The following HMGN4 variants were observed in gnomAD, a reference collection of about 807,000 sequenced individuals.
HMGN4 encodes the protein high mobility group nucleosomal binding domain 4.
For synonymous variants in HMGN4, 39 were observed against 39.1 expected (o/e 1.00, Z 0.01); for missense variants, 69 against 104.9 (o/e 0.66, Z 1.49).
chr6:26,540,558 T>C (rs1764277586), intron 1 of HMGN4, among the ~76,000 whole-genome samples: 1 of 152,220 alleles, frequency 6.6e-6, no homozygotes, highest in Non-Finnish European at 1.5e-5. Flanking sequence ...GGTCTTGAAC[T>C]CCTGACCTCA....
intron 1 of HMGN4, among the ~76,000 whole-genome samples, chr6:26,543,068 C>T (rs1764305963): frequency 6.6e-6 from 1 of 152,142 alleles, no homozygotes; most frequent in African/African-American, 2.4e-5. Flanking sequence ...ACATAAAGGC[C>T]TCTAAAAATA....
rs982052360 is a variant in HMGN4 at position 26,542,768 on chromosome 6, C to A, written c.-80-2359C>A. 6.6e-6 allele frequency among the ~76,000 whole-genome samples: 1 copy of A among 152,202 alleles called. No homozygotes were observed. Among genetic ancestry groups the A allele is most frequent in the Non-Finnish European group, 1.5e-5 (1 of 68,034 alleles). On this transcript the variant is annotated intron_variant, in intron 1 of 1. Coordinates refer to ENST00000377575, the MANE Select transcript of HMGN4 (RefSeq NM_006353.3). This position sits in a 1 kb window ranked among gnomAD's most constrained non-coding sequence, Gnocchi z 4.6. ...TCCGTATTTATATACTCAGATACAG[C>A]ATCCAGGCAGTGGCCTATTTTTCCT...
At chr6:26,543,420 C>CATTTTTTTTTTT (rs1561895346) in intron 1 of HMGN4, among the ~76,000 whole-genome samples, 1 of 44,390 alleles carries the variant, frequency 2.3e-5, no homozygotes, top group Non-Finnish European at 4.3e-5. Flanking sequence ...GGCACCATTA[C>CATTTTTTTTTTT]CTTTTTTTTT....
chr6:26,544,306 A>T (rs1365499361), intron 1 of HMGN4, among the ~76,000 whole-genome samples: 2 of 151,978 alleles, frequency 1.3e-5, no homozygotes, highest in African/African-American at 2.4e-5. Flanking sequence ...ATAGTTTTAC[A>T]TGTGTAAATG....
intron 1 of HMGN4, chr6:26,539,861 C>G (rs2113580890): frequency 6.6e-6 from 1 of 152,244 alleles, no homozygotes; most frequent in East Asian, 1.9e-4. Flanking sequence ...AGCAACCTGT[C>G]TAATACATTT....
chr6:26,542,191 T>C lies in HMGN4; in HGVS notation c.-80-2936T>C, dbSNP rs1764293980. 7.8e-6 allele frequency among the ~76,000 whole-genome samples: 1 copy of C among 127,860 alleles called. No individual in the cohort carries two copies. The highest frequency in any genetic ancestry group is 1.8e-5 in the Non-Finnish European group (1 of 55,990). The allele number at this position is 127,860 out of a possible 152,430, so 83.9% of individuals were successfully genotyped here. On this transcript the variant is annotated intron_variant, in intron 1 of 1. Transcript: ENST00000377575. The surrounding 1 kb of genome is among the most constrained non-coding windows in gnomAD (Gnocchi z 4.6). ...TTTTTTTGAACTCTTAAAATGCGTA[T>C]TTTTTTTTTACATTAATAGACTTCC... is the stretch of plus-strand genomic sequence containing the variant.
In HMGN4 at chr6:26,538,454, G is replaced by T. The variant is rs1013059416; in HGVS notation, c.-128G>T. ...CACGCCTAGGGCTCCGGCGCGTCACGGGCCTCAGCTGGGATTCCCGCGCCC... is the reference window on the plus strand; with the variant it reads ...CACGCCTAGGGCTCCGGCGCGTCACTGGCCTCAGCTGGGATTCCCGCGCCC... On this transcript the variant is annotated 5_prime_UTR_variant, in exon 1 of 2. Transcript: ENST00000377575. The T allele has an allele frequency of 1.3e-5, 2 of 152,392 alleles. No individual in the cohort carries two copies. The highest frequency in any genetic ancestry group is 2.9e-5 in the Non-Finnish European group (2 of 68,178). 9.4% of individuals were successfully genotyped at this position (152,392 alleles called of 1,614,324 possible). A position where few individuals can be genotyped will look rare whatever the true frequency, so the allele number is the denominator to read the frequency against.
At position 26,541,737 on chromosome 6, in the gene HMGN4, C is replaced by T. The variant is rs1025069402; in HGVS notation, c.-81+3236C>T. 2.0e-5 allele frequency among the ~76,000 whole-genome samples: 3 copies of T among 152,046 alleles called. No individual in the cohort carries two copies. The East Asian group carries it at 5.8e-4, about 29-fold the overall frequency. On this transcript the variant is annotated intron_variant, in intron 1 of 1. Transcript: ENST00000377575. Reference sequence around the variant, plus strand: ...ATAAAAATGCAAGTCTTCATGCTAACAAAAGGATTGGAAGAAGGATGAAGC... The same window carrying T: ...ATAAAAATGCAAGTCTTCATGCTAATAAAAGGATTGGAAGAAGGATGAAGC...
intron 1 of HMGN4, among the ~76,000 whole-genome samples, chr6:26,540,946 A>G (rs1764281299): frequency 6.6e-6 from 1 of 152,232 alleles, no homozygotes; most frequent in African/African-American, 2.4e-5. Context: ...ATTTTGGTCC[A>G]TGGATTTGCT....
intron 1 of HMGN4, among the ~76,000 whole-genome samples, chr6:26,541,653 G>GT (rs796094161): frequency 1.9e-4 from 28 of 149,480 alleles, no homozygotes; most frequent in African/African-American, 5.4e-4. Context: ...TTCACTATTA[G>GT]TTTTTTTTTT....
At chr6:26,539,458 A>G (rs1190941346) in intron 1 of HMGN4, among the ~76,000 whole-genome samples, 2 of 151,836 alleles carry the variant, frequency 1.3e-5, no homozygotes, top group African/African-American at 2.4e-5. Context: ...TTAGTTGGAG[A>G]CGGAGTTTCA....
Position 26,545,471 on chromosome 6 carries a change from G to GCCAA in HMGN4, c.266_269dup (p.Lys90AsnfsTer14). 1 of 1,554,532 alleles carries GCCAA rather than the reference G, an allele frequency of 6.4e-7. No individual in the cohort carries two copies. The highest frequency in any genetic ancestry group is 8.7e-7 in the Non-Finnish European group (1 of 1,153,518). On this transcript the variant is annotated frameshift_variant, in exon 2 of 2. Coordinates refer to ENST00000377575, the MANE Select transcript of HMGN4 (RefSeq NM_006353.3). LOFTEE classifies it high-confidence loss of function. ...CCAGAAAGCGGAAGGCACTGGGGATGCCAAGTGAAATGTACATTTTTGAGA... is the reference window on the plus strand; with the variant it reads ...CCAGAAAGCGGAAGGCACTGGGGATGCCAACCAAGTGAAATGTACATTTTTGAGA...
intron 1 of HMGN4, among the ~76,000 whole-genome samples, chr6:26,541,539 A>G: frequency 6.6e-6 from 1 of 152,210 alleles, no homozygotes; most frequent in East Asian, 1.9e-4. Context: ...CTACATCCTT[A>G]GATGTGTTCC....
At chr6:26,544,316 G>A (rs1305522146) in intron 1 of HMGN4, among the ~76,000 whole-genome samples, 2 of 152,038 alleles carry the variant, frequency 1.3e-5, no homozygotes, top group African/African-American at 4.8e-5. Flanking sequence ...ATGTGTAAAT[G>A]GATCTATAGT....
rs1264022003 is a variant in HMGN4, at chr6:26,538,371, C to A, written c.-211C>A. ...CCTCACCTTCCCTCGCCTTCCTGTT[C>A]CTGGCGGAGCCGGGCTCCGCTCGTC... is the stretch of plus-strand genomic sequence containing the variant. On this transcript the variant is annotated 5_prime_UTR_variant, in exon 1 of 2. Coordinates refer to ENST00000377575, the MANE Select transcript of HMGN4 (RefSeq NM_006353.3). 6.6e-6 allele frequency: 1 copy of A among 152,478 alleles called. No homozygotes were observed. Among genetic ancestry groups the A allele is most frequent in the Admixed American group, 6.5e-5 (1 of 15,294 alleles). The allele number at this position is 152,478 out of a possible 1,614,324, so 9.4% of individuals were successfully genotyped here. A position where few individuals can be genotyped will look rare whatever the true frequency, so the allele number is the denominator to read the frequency against.
chr6:26,543,495 C>T (rs989812226), intron 1 of HMGN4, among the ~76,000 whole-genome samples: 19 of 134,490 alleles, frequency 1.4e-4, no homozygotes, highest in African/African-American at 4.8e-4. Flanking sequence ...AATCTCGGCT[C>T]ACTGCAACCT....
At position 26,546,037 on chromosome 6, in the gene HMGN4, T is replaced by A. The variant is rs928677249; in HGVS notation, c.*558T>A. On this transcript the variant is annotated 3_prime_UTR_variant, in exon 2 of 2. Coordinates refer to ENST00000377575, the MANE Select transcript of HMGN4 (RefSeq NM_006353.3). The stretch of plus-strand genomic sequence containing the variant: ...TAGTCCCTCCATGTCAAAGTGGGCC[T>A]GAGAAAAGCTCATACATGCCTCATG... The A allele has an allele frequency of 6.0e-6, 1 of 167,140 alleles. No homozygotes were observed. The highest frequency in any genetic ancestry group is 2.4e-5 in the African/African-American group (1 of 41,460). The allele number at this position is 167,140 out of a possible 1,614,324, so 10.4% of individuals were successfully genotyped here. A position where few individuals can be genotyped will look rare whatever the true frequency, so the allele number is the denominator to read the frequency against.
At position 26,546,622 on chromosome 6, in the gene HMGN4, C is replaced by T. The variant is rs543703255; in HGVS notation, c.*1143C>T. Reference sequence around the variant, plus strand: ...GGTCTGATAAAAACCAAGATGCCTCCACATTTTGTCATAATTGTAACCAAT... The same window carrying T: ...GGTCTGATAAAAACCAAGATGCCTCTACATTTTGTCATAATTGTAACCAAT... On this transcript the variant is annotated 3_prime_UTR_variant, in exon 2 of 2. Transcript: ENST00000377575. Among the ~76,000 whole-genome samples, 1 of 152,306 alleles carries T rather than the reference C, an allele frequency of 6.6e-6. No individual in the cohort carries two copies. Among genetic ancestry groups the T allele is most frequent in the African/African-American group, 2.4e-5 (1 of 41,556 alleles).
intron 1 of HMGN4, among the ~76,000 whole-genome samples, chr6:26,540,564 C>A (rs1013654431): frequency 1.3e-5 from 2 of 152,148 alleles, no homozygotes; most frequent in African/African-American, 2.4e-5. Flanking sequence ...GAACTCCTGA[C>A]CTCAAGTGAT....
Sources: gnomAD v4.1 joint callset for allele counts (sites outside exome capture counted in the v4.1 genomes callset) on GRCh38, gnomAD v4.1.1 for gene constraint, Gnocchi (gnomAD v3.1) non-coding constraint, MANE v1.5 for transcripts, NCBI Gene and HGNC (gene_info 2026-07-23, HGNC 2026-07-21) for gene names.